THSD4: variants seen among roughly 807,000 people sequenced by gnomAD.
THSD4 encodes thrombospondin type-1 domain-containing protein 4.
Under a neutral mutation model 119.0 loss-of-function variants are expected in THSD4, and 69 were observed. That is an observed-to-expected ratio of 0.58 (90% CI 0.48 to 0.71). THSD4 has a LOEUF of 0.71. THSD4 is among the 30% of genes least tolerant of loss of function. The pLI is 0.00. For missense variants in THSD4, 1,393 were observed against 1,391.1 expected (o/e 1.00, Z -0.02); for synonymous variants, 524 against 540.4 (o/e 0.97, Z 0.42).
chr15:71,760,946 A>C (rs181250885), intron 15 of THSD4, among the ~76,000 whole-genome samples: 55 of 152,102 alleles, frequency 3.6e-4, no homozygotes, highest in African/African-American at 1.3e-3. Context: ...TCAATTTCTT[A>C]ATTTTCAAAC....
intron 4 of THSD4, among the ~76,000 whole-genome samples, chr15:71,235,347 G>T (rs1039729027): frequency 7.9e-5 from 12 of 152,100 alleles, no homozygotes; most frequent in Admixed American, 7.8e-4. Context: ...TGGCATAAAG[G>T]CTCTCTTTAA....
chr15:71,180,089 A>G (rs1399780629), intron 3 of THSD4, among the ~76,000 whole-genome samples: 4 of 138,824 alleles, frequency 2.9e-5, no homozygotes, highest in Admixed American at 1.5e-4. Flanking sequence ...ACATGTATAC[A>G]TATGTAACTA....
chr15:71,246,449 G>A (rs1369755044), intron 5 of THSD4, among the ~76,000 whole-genome samples: 1 of 152,148 alleles, frequency 6.6e-6, no homozygotes, highest in African/African-American at 2.4e-5. Flanking sequence ...TTTACGCAGT[G>A]ACAAAACGAG....
chr15:71,143,119 T>C (rs993490300), intron 2 of THSD4, among the ~76,000 whole-genome samples: 7 of 152,140 alleles, frequency 4.6e-5, no homozygotes, highest in African/African-American at 1.2e-4. Context: ...CAATGACATA[T>C]TCACATGCAT....
chr15:71,131,872 G>T (rs1247678031), intron 1 of THSD4, among the ~76,000 whole-genome samples: 1 of 152,170 alleles, frequency 6.6e-6, no homozygotes, highest in African/African-American at 2.4e-5. Context: ...AAGAACCCAG[G>T]TGGAATTCCA....
intron 7 of THSD4, among the ~76,000 whole-genome samples, chr15:71,459,406 G>GTCTC (rs1234322245): frequency 1.7e-4 from 11 of 66,314 alleles, no homozygotes; most frequent in African/African-American, 3.8e-4. Context: ...CTCTCTCTCT[G>GTCTC]TCTCTCTCTC....
intron 8 of THSD4, among the ~76,000 whole-genome samples, chr15:71,726,194 T>C (rs8037434): frequency 0.54 from 82,432 of 152,064 alleles, 26,686 homozygotes; most frequent in East Asian, 0.81. Context: ...GATCTTGTAA[T>C]TCAGTAGTGA....
intron 7 of THSD4, among the ~76,000 whole-genome samples, chr15:71,550,587 C>G: frequency 6.6e-6 from 1 of 152,150 alleles, no homozygotes; most frequent in East Asian, 1.9e-4. Context: ...CAGGTGCCTG[C>G]CGCCACGCCC....
At chr15:71,323,096 TAAAAA>T (rs34395762) in intron 6 of THSD4, among the ~76,000 whole-genome samples, 2 of 98,544 alleles carry the variant, frequency 2.0e-5, no homozygotes, top group Non-Finnish European at 2.0e-5. Context: ...GACCCTGTCT[TAAAAA>T]AAAAAAAAAA....
At position 71,394,226 on chromosome 15, in the gene THSD4, C is replaced by A. The variant is rs114524640; in HGVS notation, c.1016-17461C>A. Among the ~76,000 whole-genome samples the A allele has an allele frequency of 5.2e-3, 792 of 151,176 alleles. 2 individuals are homozygous for A. Among genetic ancestry groups the A allele is most frequent in the African/African-American group, 0.018 (754 of 41,226 alleles). On this transcript the variant is annotated intron_variant, in intron 6 of 17. Transcript: ENST00000261862. Reference sequence around the variant, plus strand: ...CTAGACACTTAAAGGTGGGCTTCCCCTCTGGGCTGTCATACACTCTGTTGT... The same window carrying A: ...CTAGACACTTAAAGGTGGGCTTCCCATCTGGGCTGTCATACACTCTGTTGT...
At chr15:71,193,069 G>C (rs962829192) in intron 3 of THSD4, among the ~76,000 whole-genome samples, 2 of 152,182 alleles carry the variant, frequency 1.3e-5, no homozygotes, top group East Asian at 3.9e-4. Flanking sequence ...ACAGGAATAC[G>C]AATGACTTCT....
At chr15:71,533,783 C>T (rs1403221944) in intron 7 of THSD4, among the ~76,000 whole-genome samples, 1 of 152,198 alleles carries the variant, frequency 6.6e-6, no homozygotes, top group African/African-American at 2.4e-5. Flanking sequence ...GAGAAGAACT[C>T]AACCTGCCAT....
At position 71,746,901 on chromosome 15, in the gene THSD4, G is replaced by A. The variant is rs1396177655; in HGVS notation, c.2100G>A (p.Gln700=). 1 of 1,614,106 alleles carries A rather than the reference G, an allele frequency of 6.2e-7. No homozygotes were observed. Among genetic ancestry groups the A allele is most frequent in the Admixed American group, 1.7e-5 (1 of 60,032 alleles). The change falls in exon 13 of 18, where the codon CAG becomes CAA. Residue 700 remains glutamine, a synonymous_variant. Transcript: ENST00000261862. ...KTCGLGMQHR[Q]VLCRQVYANR... ...GTGGCCTGGGCATGCAGCACCGCCA[G>A]GTTCTGTGCCGCCAGGTGTACGCCA... is the stretch of plus-strand genomic sequence containing the variant.
At chr15:71,103,565 G>C (rs556191350) in intron 1 of THSD4, among the ~76,000 whole-genome samples, 207 of 152,070 alleles carry the variant, frequency 1.4e-3, no homozygotes, top group African/African-American at 4.7e-3. Context: ...CTGTTTCTGT[G>C]TTTGGAGTCA....
At chr15:71,737,116 G>A (rs1022521689) in intron 10 of THSD4, among the ~76,000 whole-genome samples, 1 of 152,194 alleles carries the variant, frequency 6.6e-6, no homozygotes, top group Non-Finnish European at 1.5e-5. Flanking sequence ...GAACATTTGT[G>A]TCTGTTTGCT....
chr15:71,507,510 TC>T (rs2048208692), intron 7 of THSD4, among the ~76,000 whole-genome samples: 1 of 152,194 alleles, frequency 6.6e-6, no homozygotes, highest in Non-Finnish European at 1.5e-5. Flanking sequence ...ACTCAGATCT[TC>T]CCCTTCTGGT....
intron 4 of THSD4, among the ~76,000 whole-genome samples, chr15:71,224,575 A>G (rs1012445959): frequency 2.0e-5 from 3 of 152,156 alleles, no homozygotes; most frequent in Non-Finnish European, 2.9e-5. Flanking sequence ...CTCACTACAC[A>G]CTTAGTTGCT....
At chr15:71,478,803 C>T (rs1404783154) in intron 7 of THSD4, among the ~76,000 whole-genome samples, 1 of 152,156 alleles carries the variant, frequency 6.6e-6, no homozygotes, top group Non-Finnish European at 1.5e-5. Context: ...ATCATATGAG[C>T]CTTTTCCAGA....
chr15:71,368,058 GTCTT>G (rs2045989951), intron 6 of THSD4, among the ~76,000 whole-genome samples: 2 of 152,124 alleles, frequency 1.3e-5, no homozygotes, highest in South Asian at 4.1e-4. Flanking sequence ...TTTTTCATGT[GTCTT>G]TTGGCTGCAT....
Sources: allele counts gnomAD v4.1 joint callset (sites outside exome capture counted in the v4.1 genomes callset), GRCh38; gene constraint gnomAD v4.1.1; transcripts MANE v1.5; gene names NCBI Gene and HGNC (gene_info 2026-07-23, HGNC 2026-07-21).